Variants in LYST observed in about 807,000 individuals in gnomAD.
LYST encodes lysosomal trafficking regulator, also known as lysosomal-trafficking regulator.
A neutral mutation model predicts 413.6 loss-of-function variants in LYST; 192 were observed. The observed-to-expected ratio is 0.46, with a 90% CI of 0.41 to 0.52. LYST has a LOEUF of 0.52. LYST is among the 20% of genes least tolerant of loss of function. LYST has a pLI of 0.00. For synonymous variants in LYST, 1,525 were observed against 1,567.3 expected, an observed-to-expected ratio of 0.97 and a Z score of 0.64; for missense variants, 3,815 against 4,499.9, an observed-to-expected ratio of 0.85 and a Z score of 4.35.
At chr1:235,712,284 C>T (rs565932812) in intron 42 of LYST, 87 bp from the exon 43 acceptor site, 3 of 964,944 alleles carry the variant, frequency 3.1e-6, no homozygotes, top group Non-Finnish European at 4.7e-6. Context: ...TTTGCCACTT[C>T]AAAAAGATTA....
chr1:235,792,125 T>C lies in LYST; in HGVS notation c.4117A>G (p.Lys1373Glu). The C allele has an allele frequency of 6.3e-7, 1 of 1,593,466 alleles. No homozygotes were observed. The highest frequency in any genetic ancestry group is 2.2e-5 in the East Asian group (1 of 44,708). ...TTCAGAATACCCAGAAGAAGAATTT[T>C]CTAGAGAAAAAGAAAAACAAATGAA... ...RIFLEKSPCT[K>E]ILLLGILKII... is the part of the protein sequence containing the mutation. Residue 1373 changes from lysine (K) to glutamate (E), a missense_variant and splice_region_variant, in exon 12 of 53, where the codon AAA becomes GAA. Transcript: ENST00000389793.
intron 1 of LYST, among the ~76,000 whole-genome samples, chr1:235,860,851 T>G (rs1454577185): frequency 2.0e-5 from 3 of 152,144 alleles, no homozygotes; most frequent in African/African-American, 7.2e-5. Context: ...TCCTGCCCCT[T>G]CCCTCTGTAA....
intron 48 of LYST, among the ~76,000 whole-genome samples, chr1:235,681,248 A>C (rs940273570): frequency 6.6e-6 from 1 of 152,218 alleles, no homozygotes; most frequent in South Asian, 2.1e-4. Context: ...TGGGCTAAGA[A>C]GACAGCATGT....
intron 12 of LYST, 78 bp from the exon 13 acceptor site, chr1:235,788,923 A>C: frequency 7.2e-7 from 1 of 1,379,740 alleles, no homozygotes; most frequent in Non-Finnish European, 1.0e-6. Flanking sequence ...AGAAGAATAC[A>C]AAGCAAATTT....
chr1:235,730,156 T>C (rs548361493), intron 36 of LYST, among the ~76,000 whole-genome samples: 3 of 152,030 alleles, frequency 2.0e-5, no homozygotes, highest in African/African-American at 7.2e-5. Flanking sequence ...GAAAGTTCCT[T>C]TGTGTTCTTA....
At chr1:235,753,351 T>C (rs1324446585) in intron 25 of LYST, 77 bp from the exon 26 acceptor site, 8 of 886,848 alleles carry the variant, frequency 9.0e-6, no homozygotes, top group Non-Finnish European at 1.5e-5. Flanking sequence ...CTATGGGTCA[T>C]CTTGCTAACT....
intron 50 of LYST, among the ~76,000 whole-genome samples, chr1:235,669,330 C>T (rs1316936440): frequency 6.6e-6 from 1 of 152,230 alleles, no homozygotes; most frequent in Non-Finnish European, 1.5e-5. Context: ...GTTTCACACT[C>T]ACTTCCTAGA....
At chr1:235,712,696 G>C in intron 42 of LYST, 3 of 984,890 alleles carry the variant, frequency 3.0e-6, no homozygotes, top group Non-Finnish European at 3.6e-6. Flanking sequence ...TTTTTTTTCG[G>C]GGGGGTGCGT....
In LYST at chr1:235,809,990, A is replaced by T; in HGVS notation, c.828T>A (p.Asn276Lys). The change falls in exon 5 of 53, where the codon AAT becomes AAA. Residue 276 changes from asparagine (N) to lysine (K), a missense_variant. By Grantham distance (94) the Asn-to-Lys change is moderately conservative. Coordinates refer to ENST00000389793, the MANE Select transcript of LYST (RefSeq NM_000081.4). The surrounding 1 kb of genome is among the most constrained non-coding windows in gnomAD (Gnocchi z 4.0). ...EKVCKFDVTL[N>K]HNSPLAASVV... ...CACTGGCTGCTAAAGGAGAATTATG[A>T]TTCAAGGTAACGTCAAACTTACAAA... 3 of 1,613,926 alleles carry T rather than the reference A, an allele frequency of 1.9e-6. No homozygotes were observed. The highest frequency in any genetic ancestry group is 8.5e-7 in the Non-Finnish European group (1 of 1,179,922).
rs182558970 is a variant in LYST at position 235,843,390 on chromosome 1, G to A, written c.-97-9723C>T. Among the ~76,000 whole-genome samples the A allele has an allele frequency of 7.9e-5, 12 of 152,264 alleles. No homozygotes were observed. In the East Asian group the frequency reaches 9.6e-4, roughly 12 times the overall value. On this transcript the variant is annotated intron_variant, in intron 1 of 52. Coordinates refer to ENST00000389793, the MANE Select transcript of LYST (RefSeq NM_000081.4). ...AGTAGTGAAATAGGACCCAGAAGCC[G>A]CAGATCAGGAATCTAGCAATTACTA...
intron 39 of LYST, among the ~76,000 whole-genome samples, chr1:235,721,330 T>C (rs904191391): frequency 2.0e-5 from 3 of 152,330 alleles, no homozygotes; most frequent in East Asian, 3.9e-4. Flanking sequence ...ACCATGTCTA[T>C]AATATGGGAG....
intron 17 of LYST, among the ~76,000 whole-genome samples, chr1:235,776,675 C>T (rs1015568178): frequency 6.6e-6 from 1 of 151,600 alleles, no homozygotes; most frequent in East Asian, 1.9e-4. Flanking sequence ...AACTCCAAAC[C>T]CAAACAAATT....
At chr1:235,823,764 G>A (rs1447903789) in intron 3 of LYST, among the ~76,000 whole-genome samples, 14 of 152,180 alleles carry the variant, frequency 9.2e-5, no homozygotes, top group Middle Eastern at 3.4e-3. Flanking sequence ...TCTTTACATC[G>A]CCAATTCCTA....
At chr1:235,735,971 A>G (rs1369778505) in intron 31 of LYST, 5 of 152,152 alleles carry the variant, frequency 3.3e-5, no homozygotes, top group Non-Finnish European at 4.4e-5. Flanking sequence ...CTTAAAGGTA[A>G]TGATCTTGAT....
chr1:235,768,464 T>C (rs576186405), intron 20 of LYST, among the ~76,000 whole-genome samples: 39 of 152,222 alleles, frequency 2.6e-4, no homozygotes, highest in African/African-American at 8.4e-4. Context: ...ACAAACACTC[T>C]GAGGTAACTT....
In LYST at chr1:235,808,683, G is replaced by A. The variant is rs1233666215; in HGVS notation, c.2135C>T (p.Ala712Val). 6.2e-7 allele frequency: 1 copy of A among 1,613,694 alleles called. No individual in the cohort carries two copies. The highest frequency in any genetic ancestry group is 8.5e-7 in the Non-Finnish European group (1 of 1,179,742). Residue 712 changes from alanine (A) to valine (V), a missense_variant, in exon 5 of 53, where the codon GCA becomes GTA. This residue lies in a region of LYST where 1,648 missense variants were observed against 1,810.3 expected (regional missense o/e 0.91). Transcript: ENST00000389793. ...EEDRLHSIQI[A>V]NHICNLIQKG... ...CTGGATTAAATTGCAAATGTGATTT[G>A]CAATCTGTATACTATGTAATCTGTC...
intron 21 of LYST, among the ~76,000 whole-genome samples, chr1:235,763,143 T>C (rs1253496559): frequency 6.6e-6 from 1 of 152,212 alleles, no homozygotes; most frequent in Non-Finnish European, 1.5e-5. Context: ...TTCACTTTTA[T>C]ATGTTATTAT....
intron 1 of LYST, among the ~76,000 whole-genome samples, chr1:235,851,542 T>C (rs1307855951): frequency 6.6e-6 from 1 of 151,800 alleles, no homozygotes; most frequent in Middle Eastern, 3.2e-3. Flanking sequence ...TGTACCCCAA[T>C]AACTGATGGA....
intron 8 of LYST, among the ~76,000 whole-genome samples, chr1:235,801,343 A>G (rs1299775157): frequency 6.6e-6 from 1 of 152,098 alleles, no homozygotes; most frequent in East Asian, 1.9e-4. Flanking sequence ...GAATTTTTAC[A>G]GACATATGAT....
Sources: allele counts gnomAD v4.1 joint callset (sites outside exome capture counted in the v4.1 genomes callset), GRCh38; gene constraint gnomAD v4.1.1; regional missense constraint gnomAD v4.1.1; non-coding constraint Gnocchi (gnomAD v3.1); transcripts MANE v1.5; gene names NCBI Gene and HGNC (gene_info 2026-07-23, HGNC 2026-07-21).